The following DCC variants were observed in gnomAD, a reference collection of about 807,000 sequenced individuals.
DCC encodes the protein netrin receptor DCC.
In DCC, 58 loss-of-function variants were observed where a neutral mutation model predicts 172.5. The observed-to-expected ratio is 0.34, with a 90% CI of 0.27 to 0.42. The LOEUF (loss-of-function observed/expected upper bound fraction) is 0.42, where lower values mean the gene tolerates loss of function less well. Among genes scored for constraint, DCC ranks in the 10% least tolerant of loss-of-function variants. The pLI is 1.00. For synonymous variants in DCC, 709 were observed against 644.5 expected, an observed-to-expected ratio of 1.10 and a Z score of -1.52; for missense variants, 1,740 against 1,791.0, an observed-to-expected ratio of 0.97 and a Z score of 0.51.
At chr18:52,986,755 C>T (rs1004730368) in intron 5 of DCC, among the ~76,000 whole-genome samples, 3 of 151,814 alleles carry the variant, frequency 2.0e-5, no homozygotes, top group East Asian at 1.9e-4. Flanking sequence ...TACACACACA[C>T]GTGTAGTATA....
chr18:52,808,402 CT>C (rs11382141), intron 2 of DCC, among the ~76,000 whole-genome samples: 14,325 of 146,022 alleles, frequency 0.098, 777 homozygotes, highest in South Asian at 0.18. Context: ...CAAGATTTGG[CT>C]TTTTTTTTTT....
At chr18:52,441,877 A>G (rs1051850247) in intron 1 of DCC, among the ~76,000 whole-genome samples, 5 of 152,308 alleles carry the variant, frequency 3.3e-5, no homozygotes, top group South Asian at 2.1e-4. Context: ...TAATGAGTTT[A>G]GTGTGCAATA....
intron 21 of DCC, among the ~76,000 whole-genome samples, chr18:53,429,054 T>TATTTTATATAA (rs775486111): frequency 0.15 from 5,352 of 35,114 alleles, 1,536 homozygotes; most frequent in East Asian, 0.27. Flanking sequence ...ATATAATATA[T>TATTTTATATAA]TATATATTTT....
chr18:52,847,182 G>T (rs2145331797), intron 2 of DCC, among the ~76,000 whole-genome samples: 1 of 152,304 alleles, frequency 6.6e-6, no homozygotes, highest in East Asian at 1.9e-4. Context: ...TGGTTTGAAA[G>T]TTTTGCTACT....
intron 5 of DCC, among the ~76,000 whole-genome samples, chr18:53,020,244 T>C (rs2041861222): frequency 6.6e-6 from 1 of 152,184 alleles, no homozygotes; most frequent in Non-Finnish European, 1.5e-5. Flanking sequence ...GCCCAAAACA[T>C]ACTTTTGGCT....
At chr18:53,166,387 C>A (rs2054922502) in intron 8 of DCC, among the ~76,000 whole-genome samples, 1 of 152,060 alleles carries the variant, frequency 6.6e-6, no homozygotes, top group Non-Finnish European at 1.5e-5. Flanking sequence ...AGGATTGGGA[C>A]AGAGATATGT....
At chr18:52,437,364 A>T (rs946710898) in intron 1 of DCC, among the ~76,000 whole-genome samples, 1 of 152,144 alleles carries the variant, frequency 6.6e-6, no homozygotes, top group Admixed American at 6.5e-5. Context: ...AGTCTTGGCA[A>T]TCCAAAGATG....
intron 5 of DCC, among the ~76,000 whole-genome samples, chr18:52,959,084 C>A (rs2040796672): frequency 6.6e-6 from 1 of 152,044 alleles, no homozygotes; most frequent in South Asian, 2.1e-4. Context: ...GGACTGGACA[C>A]CTCTGATTTA....
At chr18:52,482,228 A>G (rs2029993038) in intron 1 of DCC, among the ~76,000 whole-genome samples, 1 of 152,146 alleles carries the variant, frequency 6.6e-6, no homozygotes, top group Non-Finnish European at 1.5e-5. Context: ...AACAATACTC[A>G]CTATTTACAT....
chr18:53,086,520 TCTTCTTC>T (rs1479818173), intron 7 of DCC, among the ~76,000 whole-genome samples: 1 of 54,736 alleles, frequency 1.8e-5, no homozygotes, highest in Non-Finnish European at 3.4e-5. Flanking sequence ...TCTTCTTCTT[TCTTCTTC>T]CTTCTTCTTC....
Position 53,200,679 on chromosome 18 carries a change from G to C in DCC, c.1574-4537G>C, listed in dbSNP as rs1032179729. ...ATTCCTATAGTCTATTTTCCCCCAT[G>C]ATGCCTGACGGAAGTGTGTGTGTGG... On this transcript the variant is annotated intron_variant, in intron 9 of 28. Coordinates refer to ENST00000442544, the MANE Select transcript of DCC (RefSeq NM_005215.4). Among the ~76,000 whole-genome samples, 3 of 152,254 alleles carry C rather than the reference G, an allele frequency of 2.0e-5. No homozygotes were observed. The South Asian group carries it at 6.2e-4, about 32-fold the overall frequency.
rs145225560 is a variant in DCC at position 52,824,761 on chromosome 18, A to T, written c.412+72387A>T. Among the ~76,000 whole-genome samples the T allele has an allele frequency of 7.2e-5, 11 of 152,228 alleles. No homozygotes were observed. The East Asian group carries it at 2.1e-3, about 29-fold the overall frequency. On this transcript the variant is annotated intron_variant, in intron 2 of 28. Coordinates refer to ENST00000442544, the MANE Select transcript of DCC (RefSeq NM_005215.4). The stretch of plus-strand genomic sequence containing the variant: ...TGAAGCAGGCAGATCACCTGAGGTC[A>T]GGAGTCCAAGACCAACCTGGCCAAC...
intron 1 of DCC, among the ~76,000 whole-genome samples, chr18:52,485,159 G>C (rs567956096): frequency 6.6e-6 from 1 of 151,968 alleles, no homozygotes; most frequent in Non-Finnish European, 1.5e-5. Context: ...TGTAGTTCTC[G>C]AACTGGACTG....
chr18:52,979,866 A>G (rs2041178173), intron 5 of DCC, among the ~76,000 whole-genome samples: 1 of 152,174 alleles, frequency 6.6e-6, no homozygotes, highest in Non-Finnish European at 1.5e-5. Flanking sequence ...TGAAATCCCA[A>G]GTGTACACTT....
At chr18:52,500,991 T>G (rs930719190) in intron 1 of DCC, among the ~76,000 whole-genome samples, 2 of 152,204 alleles carry the variant, frequency 1.3e-5, no homozygotes, top group Non-Finnish European at 2.9e-5. Flanking sequence ...TTTTGAATAT[T>G]TGAAGTATGC....
At chr18:52,649,664 A>G (rs1172788070) in intron 1 of DCC, among the ~76,000 whole-genome samples, 1 of 152,124 alleles carries the variant, frequency 6.6e-6, no homozygotes, top group Non-Finnish European at 1.5e-5. Flanking sequence ...AAAATGTAGT[A>G]TTGACTTTCT....
At chr18:53,492,917 G>A (rs1199729352) in intron 26 of DCC, among the ~76,000 whole-genome samples, 1 of 152,100 alleles carries the variant, frequency 6.6e-6, no homozygotes, top group Non-Finnish European at 1.5e-5. Context: ...TGGGCAATGT[G>A]GTCATTTTCA....
chr18:52,871,927 C>T (rs1043309427), intron 2 of DCC, among the ~76,000 whole-genome samples: 2 of 152,064 alleles, frequency 1.3e-5, no homozygotes, highest in Admixed American at 1.3e-4. Context: ...TTGACTGAAT[C>T]TCTGTCTACT....
chr18:52,564,330 G>A (rs76625585), intron 1 of DCC, among the ~76,000 whole-genome samples: 2,548 of 152,046 alleles, frequency 0.017, 25 homozygotes, highest in South Asian at 0.026. Context: ...AGAAATTACT[G>A]GGCTGAGAAT....
Sources: allele counts gnomAD v4.1 joint callset (sites outside exome capture counted in the v4.1 genomes callset), GRCh38; gene constraint gnomAD v4.1.1; transcripts MANE v1.5; gene names NCBI Gene and HGNC (gene_info 2026-07-23, HGNC 2026-07-21).